The following DPP6 variants were observed in gnomAD, a reference collection of about 807,000 sequenced individuals.
DPP6 encodes the protein dipeptidyl peptidase like 6.
Under a neutral mutation model 122.6 loss-of-function variants are expected in DPP6, and 69 were observed. That is an observed-to-expected ratio of 0.56 (90% CI 0.46 to 0.69). DPP6 has a LOEUF of 0.69. Ranked by LOEUF, DPP6 falls within the 30% of genes least tolerant of loss-of-function variation. The pLI is 0.00. For missense variants in DPP6, 928 were observed against 1,116.9 expected (o/e 0.83, Z 2.41); for synonymous variants, 418 against 433.1 (o/e 0.97, Z 0.43).
the DPP6 span, among the ~76,000 whole-genome samples, chr7:153,774,691 A>G: frequency 7.9e-5 from 12 of 152,176 alleles, no homozygotes; most frequent in African/African-American, 2.7e-4. Context: ...GGGGCCAGGT[A>G]TGATGGCTCA....
chr7:154,104,556 A>G (rs1280789859), intron 1 of DPP6, among the ~76,000 whole-genome samples: 2 of 152,236 alleles, frequency 1.3e-5, no homozygotes, highest in East Asian at 3.9e-4. Flanking sequence ...GCTACCGTGT[A>G]TTTATTTGGT....
intron 1 of DPP6, among the ~76,000 whole-genome samples, chr7:154,061,967 T>G: frequency 8.1e-6 from 1 of 123,352 alleles, no homozygotes; most frequent in Non-Finnish European, 1.7e-5. Context: ...GGGTGGGGAC[T>G]GAGAGCTATC....
chr7:153,912,623 T>C (rs1800139677), intron 1 of DPP6, among the ~76,000 whole-genome samples: 1 of 152,118 alleles, frequency 6.6e-6, no homozygotes. Context: ...TAGGGTGAAC[T>C]TGAAAGAGGA....
chr7:154,360,328 T>C (rs1446104394), intron 1 of DPP6, among the ~76,000 whole-genome samples: 1 of 152,172 alleles, frequency 6.6e-6, no homozygotes, highest in Non-Finnish European at 1.5e-5. Flanking sequence ...CAAGACTCTA[T>C]ACTTTGATCT....
intron 1 of DPP6, among the ~76,000 whole-genome samples, chr7:154,120,166 T>A (rs1807336310): frequency 6.6e-6 from 1 of 152,230 alleles, no homozygotes; most frequent in Non-Finnish European, 1.5e-5. Flanking sequence ...TTTATAATTT[T>A]TTTTTATTTT....
At chr7:153,834,388 T>C in the DPP6 span, among the ~76,000 whole-genome samples, 4 of 152,050 alleles carry the variant, frequency 2.6e-5, no homozygotes, top group Non-Finnish European at 5.9e-5. Context: ...AGCCATGGTG[T>C]AGATCTGGAG....
At chr7:154,850,600 T>C (rs919552240) in intron 16 of DPP6, among the ~76,000 whole-genome samples, 1 of 152,232 alleles carries the variant, frequency 6.6e-6, no homozygotes, top group Non-Finnish European at 1.5e-5. Flanking sequence ...TTTTCTTTGA[T>C]AGGAGACTTT....
intron 1 of DPP6, among the ~76,000 whole-genome samples, chr7:154,185,807 G>A (rs1156551823): frequency 6.6e-6 from 1 of 152,170 alleles, no homozygotes; most frequent in Non-Finnish European, 1.5e-5. Context: ...TTAAAGATGA[G>A]ATAATATGAG....
chr7:154,192,743 T>C (rs1798675804), intron 1 of DPP6, among the ~76,000 whole-genome samples: 1 of 152,254 alleles, frequency 6.6e-6, no homozygotes, highest in African/African-American at 2.4e-5. Flanking sequence ...GTCTGTGGAA[T>C]AGAAATACGG....
At chr7:154,283,237 A>G (rs971795487) in intron 1 of DPP6, among the ~76,000 whole-genome samples, 9 of 152,144 alleles carry the variant, frequency 5.9e-5, no homozygotes, top group Non-Finnish European at 2.9e-5. Flanking sequence ...TGTAAGCATG[A>G]ACTCTGCAGC....
chr7:154,834,690 C>T (rs981978344), intron 16 of DPP6, among the ~76,000 whole-genome samples: 1 of 152,252 alleles, frequency 6.6e-6, no homozygotes, highest in African/African-American at 2.4e-5. Flanking sequence ...AAGACCTTCA[C>T]TAGACCCTGC....
At chr7:154,050,086 T>G (rs1324694411), upstream of DPP6, among the ~76,000 whole-genome samples, 1 of 152,204 alleles carries the variant, frequency 6.6e-6, no homozygotes, top group African/African-American at 2.4e-5. Context: ...CGCTCGCTCT[T>G]TCCTGCCCTC....
the DPP6 span, among the ~76,000 whole-genome samples, chr7:153,874,469 G>A: frequency 2.6e-5 from 4 of 152,278 alleles, no homozygotes; most frequent in East Asian, 1.9e-4. Context: ...TCCACCTGCC[G>A]GGTTCAAGCG....
intron 1 of DPP6, among the ~76,000 whole-genome samples, chr7:154,009,810 T>C (rs1585170439): frequency 6.7e-6 from 1 of 150,196 alleles, no homozygotes; most frequent in Non-Finnish European, 1.5e-5. Flanking sequence ...GATGTAAGGA[T>C]GTAGCTAAAT....
At chr7:153,881,671 G>A in the DPP6 span, among the ~76,000 whole-genome samples, 5 of 152,108 alleles carry the variant, frequency 3.3e-5, no homozygotes, top group Non-Finnish European at 7.4e-5. Flanking sequence ...CGGCTCACAT[G>A]GCTCTCACTG....
chr7:154,308,562 C>G (rs1181124866), intron 1 of DPP6, among the ~76,000 whole-genome samples: 1 of 152,154 alleles, frequency 6.6e-6, no homozygotes, highest in Non-Finnish European at 1.5e-5. Flanking sequence ...GATACTGAGA[C>G]TCCTCGGTGA....
chr7:154,245,284 A>C (rs1801901292), intron 1 of DPP6, among the ~76,000 whole-genome samples: 1 of 152,070 alleles, frequency 6.6e-6, no homozygotes, highest in Non-Finnish European at 1.5e-5. Context: ...ACAGAGACAC[A>C]GATAGGTTGA....
At chr7:154,206,450 G>T (rs987380392) in intron 1 of DPP6, among the ~76,000 whole-genome samples, 1 of 152,142 alleles carries the variant, frequency 6.6e-6, no homozygotes, top group Non-Finnish European at 1.5e-5. Context: ...ATATGCTCTT[G>T]CCCCAGACAT....
At chr7:154,142,381 C>T (rs969089096) in intron 1 of DPP6, among the ~76,000 whole-genome samples, 1 of 152,062 alleles carries the variant, frequency 6.6e-6, no homozygotes, top group African/African-American at 2.4e-5. Flanking sequence ...ATACAGTGAA[C>T]ACAAATATAA....
Sources: gnomAD v4.1 joint callset for allele counts (sites outside exome capture counted in the v4.1 genomes callset) on GRCh38, gnomAD v4.1.1 for gene constraint, MANE v1.5 for transcripts, NCBI Gene and HGNC (gene_info 2026-07-23, HGNC 2026-07-21) for gene names.